The following DAB1 variants were observed in gnomAD, a reference collection of about 807,000 sequenced individuals.
DAB1 encodes the protein DAB adaptor protein 1.
A neutral mutation model predicts 64.6 loss-of-function variants in DAB1; 15 were observed. That is an observed-to-expected ratio of 0.23 (90% confidence interval 0.16 to 0.36). DAB1 has a LOEUF of 0.36. Ranked by LOEUF, DAB1 falls within the 10% of genes least tolerant of loss-of-function variation. The pLI, the probability that DAB1 is intolerant of heterozygous loss-of-function variation, is 1.00. For missense variants in DAB1, 596 were observed against 706.7 expected, an observed-to-expected ratio of 0.84 and a Z score of 1.78; for synonymous variants, 235 against 251.9, an observed-to-expected ratio of 0.93 and a Z score of 0.64.
intron 2 of DAB1, among the ~76,000 whole-genome samples, chr1:57,267,423 T>C (rs1670671193): frequency 1.3e-5 from 2 of 152,220 alleles, no homozygotes. Flanking sequence ...ATCTCTGTCA[T>C]AAAGACAAGG....
chr1:57,346,468 T>C (rs754834668), intron 1 of DAB1, among the ~76,000 whole-genome samples: 4 of 152,242 alleles, frequency 2.6e-5, no homozygotes, highest in Non-Finnish European at 4.4e-5. Flanking sequence ...CCACCCGCTA[T>C]AAAATGGAAT....
intron 5 of DAB1, among the ~76,000 whole-genome samples, chr1:58,107,789 A>C (rs529741651): frequency 2.0e-5 from 3 of 151,650 alleles, no homozygotes; most frequent in Admixed American, 6.6e-5. Flanking sequence ...GCTGATTTTT[A>C]TATTTTTAGT....
At position 57,820,257 on chromosome 1, in the gene DAB1, A is replaced by G. The variant is rs17116335; in HGVS notation, n.551+63742T>C. ...TGTCAGGAGCTTCCCAAAGTTACGC[A>G]TTTCACCATCTTAAAAACAATTAAT... On this transcript the variant is annotated intron_variant and non_coding_transcript_variant, in intron 6 of 20. Transcript: ENST00000485760. Among the ~76,000 whole-genome samples the G allele has an allele frequency of 9.2e-3, 1,399 of 152,292 alleles. 21 individuals carry two copies. The highest frequency in any genetic ancestry group is 0.033 in the African/African-American group (1,357 of 41,568).
intron 5 of DAB1, among the ~76,000 whole-genome samples, chr1:58,095,678 C>T (rs1364929054): frequency 2.6e-5 from 4 of 152,202 alleles, no homozygotes; most frequent in Non-Finnish European, 5.9e-5. Context: ...AAGTATCCCA[C>T]CCCGGACATG....
intron 6 of DAB1, among the ~76,000 whole-genome samples, chr1:57,790,130 C>A (rs1056677369): frequency 3.3e-5 from 5 of 152,144 alleles, no homozygotes; most frequent in African/African-American, 1.2e-4. Context: ...TGTTTCCTTT[C>A]TGATATGGTT....
rs375166170 is a variant in DAB1 at position 57,757,198 on chromosome 1, ATTTT to A, written n.552-107537_552-107534del. ...TCCATGCTGCTGGCCCAGGGGCAGAATTTTTTTTTTTTTTTTTTTTTTAGCAGCA... is the reference window on the plus strand; with the variant it reads ...TCCATGCTGCTGGCCCAGGGGCAGAATTTTTTTTTTTTTTTTTTAGCAGCA... On this transcript the variant is annotated intron_variant and non_coding_transcript_variant, in intron 6 of 20. Transcript: ENST00000485760. Among the ~76,000 whole-genome samples, 568 of 90,072 alleles carry A rather than the reference ATTTT, an allele frequency of 6.3e-3. 13 individuals carry two copies. The highest frequency in any genetic ancestry group is 0.014 in the African/African-American group (451 of 32,808). The allele number at this position is 90,072 out of a possible 152,430, so 59.1% of individuals were successfully genotyped here. A position where few individuals can be genotyped will look rare whatever the true frequency, so the allele number is the denominator to read the frequency against.
intron 6 of DAB1, among the ~76,000 whole-genome samples, chr1:57,761,959 ACCCACCGTG>A (rs1311003228): frequency 6.6e-6 from 1 of 152,140 alleles, no homozygotes; most frequent in Non-Finnish European, 1.5e-5. Flanking sequence ...TGATTTCTGT[ACCCACCGTG>A]CCCACAGAAC....
intron 3 of DAB1, among the ~76,000 whole-genome samples, chr1:58,383,948 C>A (rs1569712595): frequency 6.6e-6 from 1 of 152,136 alleles, no homozygotes; most frequent in South Asian, 2.1e-4. Flanking sequence ...TTTTGAGGAA[C>A]TGCGTTACTG....
chr1:57,088,195 C>T (rs369162565), intron 4 of DAB1, among the ~76,000 whole-genome samples: 39 of 152,290 alleles, frequency 2.6e-4, no homozygotes, highest in East Asian at 9.7e-4. Context: ...CTCAGCCTCC[C>T]GAATAGCTGG....
chr1:57,173,363 C>T (rs72915080), intron 2 of DAB1, among the ~76,000 whole-genome samples: 165 of 152,210 alleles, frequency 1.1e-3, no homozygotes, highest in African/African-American at 3.9e-3. Flanking sequence ...TGTGATGGGT[C>T]GTAGTCAAAA....
chr1:57,979,793 G>A (rs556632163), intron 5 of DAB1, among the ~76,000 whole-genome samples: 1 of 152,058 alleles, frequency 6.6e-6, no homozygotes, highest in Non-Finnish European at 1.5e-5. Context: ...CCTGCAGGTT[G>A]GTTATGTGTC....
At chr1:57,107,929 T>C (rs901667564) in intron 4 of DAB1, among the ~76,000 whole-genome samples, 2 of 152,144 alleles carry the variant, frequency 1.3e-5, no homozygotes, top group Non-Finnish European at 2.9e-5. Context: ...GGGATAATGA[T>C]GCCTAACTCA....
At chr1:57,973,718 A>G (rs1020007600) in intron 5 of DAB1, among the ~76,000 whole-genome samples, 18 of 152,078 alleles carry the variant, frequency 1.2e-4, no homozygotes, top group Admixed American at 5.9e-4. Context: ...CCTTCAAAAC[A>G]TCCCCAATCT....
intron 4 of DAB1, among the ~76,000 whole-genome samples, chr1:57,124,556 G>A (rs1467923384): frequency 6.6e-6 from 1 of 152,102 alleles, no homozygotes; most frequent in Non-Finnish European, 1.5e-5. Flanking sequence ...ACATCTCTTA[G>A]ACATCATGAA....
chr1:57,035,542 T>A (rs1054334526), intron 9 of DAB1, among the ~76,000 whole-genome samples: 1 of 152,146 alleles, frequency 6.6e-6, no homozygotes, highest in Non-Finnish European at 1.5e-5. Flanking sequence ...TGAAGATTGA[T>A]CTGAGCAGAT....
chr1:58,372,241 T>C (rs1644270831), intron 3 of DAB1, among the ~76,000 whole-genome samples: 1 of 152,222 alleles, frequency 6.6e-6, no homozygotes. Context: ...GCATCAGCAT[T>C]TCCTGGATGT....
At chr1:57,420,595 G>A (rs1052930299) in intron 1 of DAB1, among the ~76,000 whole-genome samples, 2 of 152,192 alleles carry the variant, frequency 1.3e-5, no homozygotes, top group Admixed American at 6.5e-5. Context: ...TTCAATCCTG[G>A]TCTTCCAATT....
At chr1:57,843,831 G>T (rs1400444856) in intron 1 of DAB1, among the ~76,000 whole-genome samples, 1 of 152,118 alleles carries the variant, frequency 6.6e-6, no homozygotes, top group Non-Finnish European at 1.5e-5. Context: ...TCTCTTAGAA[G>T]GCTGTAGGAA....
rs1296757926 is a variant in DAB1 at position 57,496,660 on chromosome 1, C to G, written n.625+152932G>C. On this transcript the variant is annotated intron_variant and non_coding_transcript_variant, in intron 7 of 20. Coordinates refer to the DAB1 transcript ENST00000485760. ...ATACTAGGACCTTTAACCCAGTTCT[C>G]CTTATCAAATCACATTCATAACAAA... is the stretch of plus-strand genomic sequence containing the variant. Among the ~76,000 whole-genome samples the G allele has an allele frequency of 3.3e-5, 5 of 152,252 alleles. No homozygotes were observed. The East Asian group carries it at 9.7e-4, about 29-fold the overall frequency.
Sources: gnomAD v4.1 joint callset for allele counts (sites outside exome capture counted in the v4.1 genomes callset) on GRCh38, gnomAD v4.1.1 for gene constraint, MANE v1.5 for transcripts, NCBI Gene and HGNC (gene_info 2026-07-23, HGNC 2026-07-21) for gene names.